Variants in XPO4 observed in about 807,000 individuals in gnomAD.
XPO4 encodes exportin 4.
A neutral mutation model predicts 143.0 loss-of-function variants in XPO4; 39 were observed. The ratio of observed to expected loss-of-function variants is 0.27; its 90% CI spans 0.21 to 0.36. XPO4 has a LOEUF of 0.36. Ranked by LOEUF, XPO4 falls within the 10% of genes least tolerant of loss-of-function variation. The probability of loss-of-function intolerance (pLI) is 1.00; values close to 1 mark genes in which losing one functional copy is unlikely to be tolerated. For synonymous variants in XPO4, 439 were observed against 474.0 expected (o/e 0.93, Z 0.96); for missense variants, 907 against 1,348.0 (o/e 0.67, Z 5.12).
chr13:20,789,473 C>A (rs1482800877), intron 19 of XPO4, among the ~76,000 whole-genome samples: 2 of 150,656 alleles, frequency 1.3e-5, no homozygotes, highest in Non-Finnish European at 2.9e-5. Context: ...TGGCTCACTG[C>A]AAGCTCCGCC....
At chr13:20,884,416 G>A (rs1282535599) in intron 1 of XPO4, among the ~76,000 whole-genome samples, 3 of 151,838 alleles carry the variant, frequency 2.0e-5, no homozygotes, top group Admixed American at 6.6e-5. Context: ...GATCCGATCC[G>A]ATCCGATCCA....
At position 20,856,303 on chromosome 13, in the gene XPO4, CAT is replaced by C. The variant is rs2060143239; in HGVS notation, c.318-540_318-539del. 9 of 983,710 alleles carry C rather than the reference CAT, an allele frequency of 9.1e-6. No individual in the cohort carries two copies. The South Asian group carries it at 3.3e-4, about 36-fold the overall frequency. 60.9% of individuals were successfully genotyped at this position (983,710 alleles called of 1,614,324 possible). Reference sequence around the variant, plus strand: ...TATCCGAGATACATCATTATGGAAACATAAAATTGTAAAACACACACACACAA... The same window carrying C: ...TATCCGAGATACATCATTATGGAAACAAAATTGTAAAACACACACACACAA... On this transcript the variant is annotated intron_variant, in intron 3 of 22. Coordinates refer to ENST00000255305, the MANE Select transcript of XPO4 (RefSeq NM_022459.5).
intron 4 of XPO4, among the ~76,000 whole-genome samples, chr13:20,854,116 A>T (rs897081586): frequency 2.0e-5 from 3 of 152,226 alleles, no homozygotes; most frequent in African/African-American, 7.2e-5. Flanking sequence ...GTTAAGGAAA[A>T]AAAAGAACAA....
At chr13:20,842,781 C>A (rs1299739315) in intron 6 of XPO4, 114 bp downstream of exon 6, 4 of 965,050 alleles carry the variant, frequency 4.1e-6, no homozygotes, top group Non-Finnish European at 4.3e-6. Context: ...TAAAAAAAAT[C>A]TTATTTTCTT....
chr13:20,875,807 T>C (rs2060345260), intron 1 of XPO4, among the ~76,000 whole-genome samples: 1 of 152,196 alleles, frequency 6.6e-6, no homozygotes, highest in Non-Finnish European at 1.5e-5. Context: ...ATTCATCTCA[T>C]AATTGATAGG....
intron 4 of XPO4, chr13:20,849,161 G>A: frequency 2.0e-6 from 2 of 985,370 alleles, no homozygotes; most frequent in Non-Finnish European, 2.4e-6. Context: ...ATAATAGCCT[G>A]GCTCTTACCC....
At chr13:20,897,238 CAAAAA>C (rs1472317866) in intron 1 of XPO4, among the ~76,000 whole-genome samples, 1 of 151,844 alleles carries the variant, frequency 6.6e-6, no homozygotes. Context: ...ACTGTGGTTA[CAAAAA>C]AATAAAGGCA....
chr13:20,829,247 C>T (rs1440587136), intron 6 of XPO4, among the ~76,000 whole-genome samples: 1 of 152,140 alleles, frequency 6.6e-6, no homozygotes, highest in Non-Finnish European at 1.5e-5. Context: ...CATGAGCCAG[C>T]ACACCTGGCC....
In XPO4 at chr13:20,778,545, C is replaced by T. The variant is rs2141452463; in HGVS notation, c.*5177G>A. On this transcript the variant is annotated 3_prime_UTR_variant, in exon 23 of 23. Transcript: ENST00000255305. ...TTGCTAAAAGTATTTACTAAATATG[C>T]ACCAAAGATAATGACTTAACTAGTA... 1 of 152,206 alleles carries T rather than the reference C, an allele frequency of 6.6e-6. No individual in the cohort carries two copies. Among genetic ancestry groups the T allele is most frequent in the Middle Eastern group, 3.4e-3 (1 of 294 alleles). 9.4% of individuals were successfully genotyped at this position (152,206 alleles called of 1,614,324 possible). A position where few individuals can be genotyped will look rare whatever the true frequency, so the allele number is the denominator to read the frequency against.
chr13:20,902,151 C>G, intron 1 of XPO4: 1 of 985,386 alleles, frequency 1.0e-6, no homozygotes, highest in Non-Finnish European at 1.2e-6. Flanking sequence ...GGCCCTTCCA[C>G]GTGCTGCCGG....
chr13:20,792,723 CAA>C (rs748612077), intron 18 of XPO4, among the ~76,000 whole-genome samples: 90 of 98,064 alleles, frequency 9.2e-4, no homozygotes, highest in African/African-American at 2.5e-3. Flanking sequence ...CTCTGTCTCA[CAA>C]AAAAAAAAAA....
chr13:20,799,050 A>G (rs754897984), intron 16 of XPO4, 115 bp downstream of exon 16: 11 of 1,049,678 alleles, frequency 1.0e-5, no homozygotes, highest in Non-Finnish European at 1.4e-5. Context: ...AGAAAGAAAG[A>G]AAGAAAAGCT....
At chr13:20,791,686 A>G (rs2059281491) in intron 18 of XPO4, among the ~76,000 whole-genome samples, 1 of 152,250 alleles carries the variant, frequency 6.6e-6, no homozygotes, top group African/African-American at 2.4e-5. Context: ...TTGGACAAAA[A>G]TAACAAAAAC....
At chr13:20,863,331 T>A (rs976553118) in intron 2 of XPO4, among the ~76,000 whole-genome samples, 3 of 152,166 alleles carry the variant, frequency 2.0e-5, no homozygotes, top group Non-Finnish European at 2.9e-5. Flanking sequence ...ATGACCCATC[T>A]CCAATAGCAA....
At chr13:20,902,244 C>T (rs2060628040) in intron 1 of XPO4, 3 of 985,254 alleles carry the variant, frequency 3.0e-6, no homozygotes, top group Non-Finnish European at 1.2e-6. Flanking sequence ...GCTAACAGCA[C>T]CCAGGCTGTG....
At chr13:20,839,936 T>TTA (rs2059956793) in intron 6 of XPO4, among the ~76,000 whole-genome samples, 1 of 152,058 alleles carries the variant, frequency 6.6e-6, no homozygotes, top group African/African-American at 2.4e-5. Flanking sequence ...TGAACCAAGA[T>TTA]AGTGTCACTG....
chr13:20,890,479 T>C (rs2060501582), intron 1 of XPO4, among the ~76,000 whole-genome samples: 1 of 148,560 alleles, frequency 6.7e-6, no homozygotes, highest in African/African-American at 2.5e-5. Context: ...GAAATTGAAA[T>C]CAGTATTTAC....
chr13:20,812,907 A>C (rs1303620242), intron 9 of XPO4, among the ~76,000 whole-genome samples: 1 of 152,164 alleles, frequency 6.6e-6, no homozygotes, highest in Non-Finnish European at 1.5e-5. Context: ...AGCCATAAAA[A>C]AGAATAGATC....
chr13:20,861,775 C>CTTTTTTTTT (rs1566613499), intron 3 of XPO4, among the ~76,000 whole-genome samples: 5 of 123,208 alleles, frequency 4.1e-5, no homozygotes, highest in African/African-American at 1.6e-4. Context: ...GCACATTTCT[C>CTTTTTTTTT]TCTTTTTTTT....
Sources: allele counts gnomAD v4.1 joint callset (sites outside exome capture counted in the v4.1 genomes callset), GRCh38; gene constraint gnomAD v4.1.1; transcripts MANE v1.5; gene names NCBI Gene and HGNC (gene_info 2026-07-23, HGNC 2026-07-21).